GPC6: variants seen among roughly 807,000 people sequenced by gnomAD.
GPC6 encodes the protein glypican-6.
Under a neutral mutation model 55.2 loss-of-function variants are expected in GPC6, and 14 were observed. The ratio of observed to expected loss-of-function variants is 0.25; its 90% CI spans 0.17 to 0.40. The LOEUF is 0.40. GPC6 is among the 10% of genes least tolerant of loss of function. The pLI is 1.00. For synonymous variants in GPC6, 278 were observed against 259.6 expected (o/e 1.07, Z -0.68); for missense variants, 641 against 708.5 (o/e 0.90, Z 1.08).
intron 4 of GPC6, among the ~76,000 whole-genome samples, chr13:94,190,248 A>G (rs1321796975): frequency 6.6e-6 from 1 of 151,976 alleles, no homozygotes; most frequent in African/African-American, 2.4e-5. Flanking sequence ...TGAACCCGGG[A>G]GGCGGAGGTT....
At chr13:94,059,327 T>A (rs1316235068) in intron 4 of GPC6, among the ~76,000 whole-genome samples, 3 of 152,028 alleles carry the variant, frequency 2.0e-5, no homozygotes, top group African/African-American at 7.2e-5. Context: ...AAGGAGTGCC[T>A]ACATGGAAGG....
chr13:93,654,738 C>A (rs1880577840), intron 2 of GPC6, among the ~76,000 whole-genome samples: 1 of 152,104 alleles, frequency 6.6e-6, no homozygotes, highest in Non-Finnish European at 1.5e-5. Flanking sequence ...CAATAGAACC[C>A]CATCTATAAA....
chr13:93,938,227 A>G (rs1446171355), intron 3 of GPC6, among the ~76,000 whole-genome samples: 1 of 152,156 alleles, frequency 6.6e-6, no homozygotes, highest in Admixed American at 6.6e-5. Flanking sequence ...AGCAAACCTA[A>G]TTTGATGCTG....
At chr13:93,839,699 C>T (rs779141335) in intron 3 of GPC6, among the ~76,000 whole-genome samples, 17 of 151,956 alleles carry the variant, frequency 1.1e-4, no homozygotes, top group Non-Finnish European at 1.5e-4. Flanking sequence ...TTTATTGTCC[C>T]GTCTTCAGAG....
chr13:94,076,969 T>G (rs1455935796), intron 4 of GPC6, among the ~76,000 whole-genome samples: 1 of 151,330 alleles, frequency 6.6e-6, no homozygotes, highest in African/African-American at 2.4e-5. Flanking sequence ...TGTTTTTTTT[T>G]TTTTTTTTTG....
At chr13:94,233,649 T>C (rs928182672) in intron 4 of GPC6, among the ~76,000 whole-genome samples, 1 of 152,150 alleles carries the variant, frequency 6.6e-6, no homozygotes, top group Admixed American at 6.5e-5. Context: ...AGTCACTTGG[T>C]AGCCGCCTTG....
At chr13:93,316,073 T>C (rs1594091875) in intron 1 of GPC6, among the ~76,000 whole-genome samples, 1 of 152,116 alleles carries the variant, frequency 6.6e-6, no homozygotes, top group Non-Finnish European at 1.5e-5. Flanking sequence ...AGGCTTAGAA[T>C]AGTGACTATA....
chr13:93,993,766 A>C (rs1302412240), intron 3 of GPC6, among the ~76,000 whole-genome samples: 1 of 152,182 alleles, frequency 6.6e-6, no homozygotes, highest in Non-Finnish European at 1.5e-5. Flanking sequence ...TTCTAAAATA[A>C]TTCCTACTGT....
intron 2 of GPC6, among the ~76,000 whole-genome samples, chr13:93,704,393 G>A (rs867086596): frequency 5.3e-5 from 8 of 151,838 alleles, no homozygotes; most frequent in Admixed American, 5.3e-4. Context: ...GAAGCATCAC[G>A]TTGTCATGAA....
intron 1 of GPC6, among the ~76,000 whole-genome samples, chr13:93,315,021 C>T (rs1161862310): frequency 6.6e-6 from 1 of 151,964 alleles, no homozygotes; most frequent in East Asian, 1.9e-4. Context: ...AAGTTGAAAA[C>T]AGTACATTGT....
intron 4 of GPC6, among the ~76,000 whole-genome samples, chr13:94,243,843 A>G (rs144249737): frequency 1.6e-4 from 24 of 152,222 alleles, no homozygotes; most frequent in Admixed American, 4.6e-4. Flanking sequence ...AGATGAGGGT[A>G]AGTAACAAAC....
intron 1 of GPC6, among the ~76,000 whole-genome samples, chr13:93,543,239 G>C (rs1385991464): frequency 6.6e-6 from 1 of 152,116 alleles, no homozygotes; most frequent in African/African-American, 2.4e-5. Context: ...ATGAAGCATC[G>C]TTGAATTTTG....
intron 3 of GPC6, among the ~76,000 whole-genome samples, chr13:93,840,904 G>T (rs561632653): frequency 6.6e-6 from 1 of 152,262 alleles, no homozygotes; most frequent in South Asian, 2.1e-4. Context: ...ACAGCTTTAT[G>T]AAGAAAAATG....
Position 94,267,556 on chromosome 13 carries a change from T to A in GPC6, c.878-18793T>A, listed in dbSNP as rs1891856408. 2.0e-5 allele frequency among the ~76,000 whole-genome samples: 3 copies of A among 152,184 alleles called. No homozygotes were observed. In the South Asian group the frequency reaches 6.2e-4, roughly 32 times the overall value. ...GAATAGTCTAGTGTCAGTATAGTTGTTAGTCTTGGGGTTCTGACCCAATTC... is the reference window on the plus strand; with the variant it reads ...GAATAGTCTAGTGTCAGTATAGTTGATAGTCTTGGGGTTCTGACCCAATTC... On this transcript the variant is annotated intron_variant, in intron 4 of 8. Coordinates refer to ENST00000377047, the MANE Select transcript of GPC6 (RefSeq NM_005708.5).
intron 1 of GPC6, among the ~76,000 whole-genome samples, chr13:93,332,687 C>T (rs753117280): frequency 5.9e-5 from 9 of 151,970 alleles, no homozygotes; most frequent in Non-Finnish European, 1.2e-4. Flanking sequence ...TGACTGTTTC[C>T]TTTGCTGTGC....
chr13:94,263,156 G>A (rs535091689), intron 4 of GPC6, among the ~76,000 whole-genome samples: 11 of 152,316 alleles, frequency 7.2e-5, no homozygotes, highest in African/African-American at 2.6e-4. Flanking sequence ...TAAACAAGAG[G>A]AAGGGCAGCG....
intron 4 of GPC6, among the ~76,000 whole-genome samples, chr13:94,184,184 A>G (rs1257543650): frequency 6.6e-6 from 1 of 152,128 alleles, no homozygotes; most frequent in African/African-American, 2.4e-5. Context: ...GTAGAAGAAA[A>G]CCTAGGAAAT....
intron 4 of GPC6, among the ~76,000 whole-genome samples, chr13:94,143,312 G>T (rs1887449425): frequency 6.6e-6 from 1 of 152,130 alleles, no homozygotes; most frequent in African/African-American, 2.4e-5. Context: ...AAATGGTTTA[G>T]TGTGAGAGAA....
At chr13:94,262,037 G>T (rs1891672081) in intron 4 of GPC6, among the ~76,000 whole-genome samples, 1 of 152,188 alleles carries the variant, frequency 6.6e-6, no homozygotes, top group African/African-American at 2.4e-5. Context: ...GGGAGGAGAG[G>T]AAGTGGGATC....
Sources: allele counts gnomAD v4.1 joint callset (sites outside exome capture counted in the v4.1 genomes callset), GRCh38; gene constraint gnomAD v4.1.1; transcripts MANE v1.5; gene names NCBI Gene and HGNC (gene_info 2026-07-23, HGNC 2026-07-21).